The following FBXL17 variants were observed in gnomAD, a reference collection of about 807,000 sequenced individuals.
FBXL17 encodes F-box and leucine rich repeat protein 17, also known as F-box/LRR-repeat protein 17.
A neutral mutation model predicts 66.2 loss-of-function variants in FBXL17; 22 were observed. The ratio of observed to expected loss-of-function variants is 0.33; its 90% CI spans 0.24 to 0.47. The LOEUF (loss-of-function observed/expected upper bound fraction) is 0.47. Among genes scored for constraint, FBXL17 ranks in the 20% least tolerant of loss-of-function variants. FBXL17 has a pLI of 1.00. For synonymous variants in FBXL17, 474 were observed against 400.5 expected (o/e 1.18, Z -2.19); for missense variants, 878 against 948.2 (o/e 0.93, Z 0.97).
intron 7 of FBXL17, among the ~76,000 whole-genome samples, chr5:107,995,949 T>C (rs140232991): frequency 0.012 from 1,852 of 152,314 alleles, 40 homozygotes; most frequent in African/African-American, 0.04. Flanking sequence ...GTGCAGTAGC[T>C]GAGTCTATAA....
intron 6 of FBXL17, among the ~76,000 whole-genome samples, chr5:108,025,734 C>CAT (rs1310000492): frequency 6.7e-6 from 1 of 148,980 alleles, no homozygotes; most frequent in Non-Finnish European, 1.5e-5. Flanking sequence ...CGCGCACACA[C>CAT]ACACACACAC....
intron 7 of FBXL17, among the ~76,000 whole-genome samples, chr5:107,938,768 A>G (rs1176787608): frequency 6.6e-6 from 1 of 152,150 alleles, no homozygotes; most frequent in Non-Finnish European, 1.5e-5. Context: ...TCTTCTAGAA[A>G]ACAGCCAGAT....
intron 7 of FBXL17, among the ~76,000 whole-genome samples, chr5:107,903,029 T>A (rs1749627164): frequency 6.6e-6 from 1 of 152,166 alleles, no homozygotes; most frequent in Non-Finnish European, 1.5e-5. Context: ...CCTGTGTATT[T>A]CATCAACCTC....
chr5:108,381,985 G>T lies in FBXL17; in HGVS notation c.-294C>A. 8.4e-7 allele frequency: 1 copy of T among 1,187,780 alleles called. No homozygotes were observed. Among genetic ancestry groups the T allele is most frequent in the Non-Finnish European group, 1.0e-6 (1 of 957,630 alleles). The allele number at this position is 1,187,780 out of a possible 1,614,324, so 73.6% of individuals were successfully genotyped here. ...AGCGAGCCTGCCGGCTAGGCGACCA[G>T]TCCGGGCCCGGCCAGCCGGCTCAGT... On this transcript the variant is annotated 5_prime_UTR_variant, in exon 1 of 9. The change creates a new upstream start codon in the 5' untranslated region. Transcript: ENST00000542267.
At chr5:108,194,270 T>C (rs1753589213) in intron 5 of FBXL17, among the ~76,000 whole-genome samples, 1 of 152,200 alleles carries the variant, frequency 6.6e-6, no homozygotes, top group Non-Finnish European at 1.5e-5. Context: ...ACTTATGTTA[T>C]TCTGATAACT....
At chr5:108,058,046 G>T (rs1747778194) in intron 6 of FBXL17, among the ~76,000 whole-genome samples, 1 of 152,180 alleles carries the variant, frequency 6.6e-6, no homozygotes, top group Non-Finnish European at 1.5e-5. Flanking sequence ...AAAGGAATGA[G>T]ACTAAGTTAC....
chr5:108,234,177 C>A (rs1755492854), intron 4 of FBXL17, among the ~76,000 whole-genome samples: 1 of 152,122 alleles, frequency 6.6e-6, no homozygotes, highest in Non-Finnish European at 1.5e-5. Context: ...TGATTTGGGA[C>A]TGTGGATTAC....
chr5:107,931,442 A>G (rs1750735902), intron 7 of FBXL17, among the ~76,000 whole-genome samples: 1 of 151,196 alleles, frequency 6.6e-6, no homozygotes, highest in Non-Finnish European at 1.5e-5. Flanking sequence ...TTGTATTTTT[A>G]TAGAGACGGA....
chr5:108,219,998 G>A (rs1432924125), intron 5 of FBXL17, among the ~76,000 whole-genome samples: 3 of 134,780 alleles, frequency 2.2e-5, no homozygotes, highest in African/African-American at 8.5e-5. Context: ...TCATAAAATG[G>A]AAGTTGAAGT....
chr5:108,332,050 A>C (rs1760148223), intron 4 of FBXL17, among the ~76,000 whole-genome samples: 1 of 152,192 alleles, frequency 6.6e-6, no homozygotes, highest in Non-Finnish European at 1.5e-5. Context: ...AGTAAAAACT[A>C]AATAATGTAC....
In FBXL17 at chr5:108,224,165, T is replaced by C. The variant is rs1754992850; in HGVS notation, c.1570A>G (p.Met524Val). 3 of 1,612,012 alleles carry C rather than the reference T, an allele frequency of 1.9e-6. No homozygotes were observed. Among genetic ancestry groups the C allele is most frequent in the Non-Finnish European group, 2.5e-6 (3 of 1,178,714 alleles). The change falls in exon 5 of 9, where the codon ATG becomes GTG. Residue 524 changes from methionine to valine, a missense_variant. Physicochemically the swap from Met to Val is conservative, Grantham distance 21. Coordinates refer to ENST00000542267, the MANE Select transcript of FBXL17 (RefSeq NM_001163315.3). ...HCPELQYVGFMGCSVTSKGVI... is the reference protein window; with the variant it reads ...HCPELQYVGFVGCSVTSKGVI... ...CCTTTAGAAGTGACTGAACAACCCA[T>C]GAAGCCTACATATTGAAGCTCAGGA...
chr5:107,910,809 C>CA (rs944455763), intron 7 of FBXL17, among the ~76,000 whole-genome samples: 8 of 151,736 alleles, frequency 5.3e-5, no homozygotes, highest in South Asian at 2.1e-4. Flanking sequence ...GAAAAAACAT[C>CA]AAAAAAAGTT....
intron 4 of FBXL17, among the ~76,000 whole-genome samples, chr5:108,301,215 T>C (rs778391412): frequency 6.6e-6 from 1 of 151,734 alleles, no homozygotes; most frequent in South Asian, 2.1e-4. Context: ...CAGTTTTCTA[T>C]TACCAAGTCT....
intron 6 of FBXL17, among the ~76,000 whole-genome samples, chr5:108,094,870 G>C (rs1208626279): frequency 1.4e-5 from 2 of 139,534 alleles, no homozygotes; most frequent in Non-Finnish European, 3.1e-5. Flanking sequence ...CAGGAACAAG[G>C]ATGCAAAAAA....
At position 108,023,574 on chromosome 5, in the gene FBXL17, G is replaced by A. The variant is rs538863647; in HGVS notation, c.1746-2573C>T. On this transcript the variant is annotated intron_variant, in intron 6 of 8. Transcript: ENST00000542267. ...TAGCAGTTCATGATGAGAGATTGTG[G>A]GTGGTGACTATCCTTTTCTCCTGAA... is the stretch of plus-strand genomic sequence containing the variant. Among the ~76,000 whole-genome samples the A allele has an allele frequency of 9.6e-4, 146 of 152,202 alleles. 2 individuals carry two copies. Among genetic ancestry groups the A allele is most frequent in the Admixed American group, 2.0e-3 (31 of 15,260 alleles).
chr5:108,299,834 G>C, intron 4 of FBXL17: 3 of 984,544 alleles, frequency 3.0e-6, no homozygotes, highest in Non-Finnish European at 3.6e-6. Context: ...TGTCAGTCGA[G>C]AATCTGAAAA....
chr5:108,224,097 A>C (rs754694006), intron 5 of FBXL17, 24 bp downstream of exon 5: 2 of 1,297,402 alleles, frequency 1.5e-6, no homozygotes, highest in Admixed American at 3.5e-5. Context: ...AAAAATACCA[A>C]GGAAAAGCAG....
chr5:108,172,963 C>A (rs555050378), intron 6 of FBXL17, among the ~76,000 whole-genome samples: 11 of 152,084 alleles, frequency 7.2e-5, no homozygotes, highest in South Asian at 2.1e-4. Flanking sequence ...CCACACCTGG[C>A]TAATTTTGTA....
At chr5:108,328,085 C>T (rs1474740231) in intron 4 of FBXL17, among the ~76,000 whole-genome samples, 1 of 152,136 alleles carries the variant, frequency 6.6e-6, no homozygotes, top group Non-Finnish European at 1.5e-5. Flanking sequence ...TTCCCACAAA[C>T]CACTTGATGA....
Sources: gnomAD v4.1 joint callset for allele counts (sites outside exome capture counted in the v4.1 genomes callset) on GRCh38, gnomAD v4.1.1 for gene constraint, MANE v1.5 for transcripts, NCBI Gene and HGNC (gene_info 2026-07-23, HGNC 2026-07-21) for gene names.